The following RIC1 variants were observed in gnomAD, a reference collection of about 807,000 sequenced individuals.
RIC1 encodes guanine nucleotide exchange factor subunit RIC1.
RIC1 carries 88 observed loss-of-function variants against 169.0 expected under a neutral mutation model. The ratio of observed to expected loss-of-function variants is 0.52; its 90% CI spans 0.44 to 0.62. The LOEUF is 0.62. RIC1 is among the 20% of genes least tolerant of loss of function. RIC1 has a pLI of 0.00. For synonymous variants in RIC1, 790 were observed against 601.5 expected (o/e 1.31, Z -4.59); for missense variants, 1,877 against 1,725.5 (o/e 1.09, Z -1.56).
Position 5,670,800 on chromosome 9 carries a change from T to A in RIC1, c.252+14110T>A, listed in dbSNP as rs1820043766. Among the ~76,000 whole-genome samples, 3 of 152,344 alleles carry A rather than the reference T, an allele frequency of 2.0e-5. 1 individual carries two copies. In the South Asian group the frequency reaches 6.2e-4, roughly 32 times the overall value. On this transcript the variant is annotated intron_variant, in intron 2 of 25. Transcript: ENST00000414202. ...GAACAGAAGCGCCATAGTTTTATTA[T>A]TCAAATAAGTCTTCCCCAATATTTG...
At chr9:5,747,234 T>G in intron 11 of RIC1, 68 bp from the exon 12 acceptor site, 3 of 1,178,426 alleles carry the variant, frequency 2.5e-6, no homozygotes, top group Non-Finnish European at 3.8e-6. Context: ...TATTTTTGCC[T>G]GCGTAATATT....
At chr9:5,652,011 A>G (rs1190583555) in intron 1 of RIC1, among the ~76,000 whole-genome samples, 2 of 152,134 alleles carry the variant, frequency 1.3e-5, no homozygotes, top group African/African-American at 2.4e-5. Flanking sequence ...CTGTTTTTTG[A>G]AAATCAGTTG....
At chr9:5,661,330 C>G (rs1223070364) in intron 2 of RIC1, among the ~76,000 whole-genome samples, 6 of 152,124 alleles carry the variant, frequency 3.9e-5, no homozygotes, top group Admixed American at 3.9e-4. Flanking sequence ...TTTGTTGGTT[C>G]CATATGAATT....
intron 1 of RIC1, among the ~76,000 whole-genome samples, chr9:5,641,156 A>G (rs1818219490): frequency 6.7e-6 from 1 of 148,420 alleles, no homozygotes; most frequent in Admixed American, 6.8e-5. Flanking sequence ...CAGTGGTGCC[A>G]TCTCAGCTCA....
At chr9:5,674,159 T>C (rs1233608354) in intron 2 of RIC1, among the ~76,000 whole-genome samples, 1 of 152,156 alleles carries the variant, frequency 6.6e-6, no homozygotes. Context: ...TAAAAATTGA[T>C]AATGATTATC....
intron 19 of RIC1, among the ~76,000 whole-genome samples, chr9:5,764,474 A>G (rs1262294852): frequency 6.6e-6 from 1 of 152,218 alleles, no homozygotes; most frequent in Non-Finnish European, 1.5e-5. Flanking sequence ...CTATTTGACA[A>G]AAGGGCTTGA....
At chr9:5,733,664 A>C (rs553846595) in intron 7 of RIC1, among the ~76,000 whole-genome samples, 4 of 152,116 alleles carry the variant, frequency 2.6e-5, no homozygotes, top group Non-Finnish European at 4.4e-5. Flanking sequence ...CTTTTTCTCA[A>C]TACATTGATC....
chr9:5,751,471 T>G (rs1273612433), intron 12 of RIC1, among the ~76,000 whole-genome samples: 2 of 151,764 alleles, frequency 1.3e-5, no homozygotes, highest in Non-Finnish European at 2.9e-5. Flanking sequence ...TTCTCCTGCG[T>G]CAGCTTCCCG....
intron 6 of RIC1, among the ~76,000 whole-genome samples, chr9:5,721,434 C>A (rs1002672842): frequency 6.6e-6 from 1 of 152,316 alleles, no homozygotes; most frequent in African/African-American, 2.4e-5. Context: ...ATTACCAAAC[C>A]CCAGCACACA....
rs1439173877 is a variant in RIC1 at position 5,747,361 on chromosome 9, G to A, written c.1308G>A (p.Glu436=). The part of the protein sequence containing the change: ...GEDRLYLNCG[E]ASQTQNPRSS... ...ATCGCTTGTACTTGAACTGTGGAGA[G>A]GCTTCACAAACCCAGAATCCCAGGA... Residue 436 remains glutamate, a synonymous_variant, in exon 12 of 26, where the codon GAG becomes GAA. Transcript: ENST00000414202. 1 of 1,614,038 alleles carries A rather than the reference G, an allele frequency of 6.2e-7. No individual in the cohort carries two copies.
intron 6 of RIC1, among the ~76,000 whole-genome samples, chr9:5,722,926 A>G (rs978813584): frequency 6.6e-6 from 1 of 152,174 alleles, no homozygotes; most frequent in African/African-American, 2.4e-5. Flanking sequence ...CATGGTGTAT[A>G]TGTGCCACAT....
intron 3 of RIC1, among the ~76,000 whole-genome samples, chr9:5,708,942 T>G (rs1822763957): frequency 1.3e-5 from 2 of 152,148 alleles, no homozygotes; most frequent in Non-Finnish European, 2.9e-5. Flanking sequence ...TCCTATTTCT[T>G]GGATTCCATA....
intron 19 of RIC1, 137 bp downstream of exon 19, chr9:5,764,005 G>C: frequency 1.0e-6 from 1 of 967,056 alleles, no homozygotes; most frequent in African/African-American, 1.6e-5. Context: ...TAATTTGGAA[G>C]AATTCAGACA....
rs1363841454 is a variant in RIC1 at position 5,769,265 on chromosome 9, G to A, written c.3424+9G>A. ...TGGAAAATACCGAACTGGTAATGTA[G>A]ACTTCATGTCACTTGTACAAGGAGA... is the stretch of plus-strand genomic sequence containing the variant. On this transcript the variant is annotated intron_variant, in intron 22 of 25. Coordinates refer to ENST00000414202, the MANE Select transcript of RIC1 (RefSeq NM_020829.4). The A allele has an allele frequency of 6.2e-7, 1 of 1,613,908 alleles. No individual in the cohort carries two copies. Among genetic ancestry groups the A allele is most frequent in the Non-Finnish European group, 8.5e-7 (1 of 1,179,868 alleles).
intron 11 of RIC1, among the ~76,000 whole-genome samples, chr9:5,747,044 T>C (rs186229240): frequency 1.3e-5 from 2 of 152,312 alleles, no homozygotes; most frequent in African/African-American, 4.8e-5. Flanking sequence ...TTTCAATAGT[T>C]AATGAGTCTA....
Position 5,765,648 on chromosome 9 carries a change from G to A in RIC1, c.3001-14G>A, listed in dbSNP as rs41280733. On this transcript the variant is annotated splice_polypyrimidine_tract_variant and intron_variant, in intron 20 of 25. Transcript: ENST00000414202. ...TCTTTCTCTAATGGTACTGCATATG[G>A]TGTGTAATCCTAGGAACCCAGTTCA... is the stretch of plus-strand genomic sequence containing the variant. 64,134 of 1,614,000 alleles carry A rather than the reference G, an allele frequency of 0.04. 1,477 individuals carry two copies. The highest frequency in any genetic ancestry group is 0.048 in the Non-Finnish European group (56,456 of 1,179,934).
chr9:5,640,142 T>G (rs767710719), intron 1 of RIC1, among the ~76,000 whole-genome samples: 1 of 152,220 alleles, frequency 6.6e-6, no homozygotes, highest in Non-Finnish European at 1.5e-5. Flanking sequence ...GTCTTCGTTC[T>G]TTCTTTACTT....
intron 2 of RIC1, among the ~76,000 whole-genome samples, chr9:5,665,240 C>A (rs1396268198): frequency 6.6e-6 from 1 of 152,130 alleles, no homozygotes; most frequent in Non-Finnish European, 1.5e-5. Context: ...TCTAAACTGG[C>A]TGCTTATCTC....
chr9:5,758,630 C>CT (rs1826147269), intron 17 of RIC1, among the ~76,000 whole-genome samples: 1 of 151,526 alleles, frequency 6.6e-6, no homozygotes, highest in Non-Finnish European at 1.5e-5. Context: ...TCAAACCTCT[C>CT]TGTCATCTTA....
Sources: allele counts gnomAD v4.1 joint callset (sites outside exome capture counted in the v4.1 genomes callset), GRCh38; gene constraint gnomAD v4.1.1; transcripts MANE v1.5; gene names NCBI Gene and HGNC (gene_info 2026-07-23, HGNC 2026-07-21).